Variants in GABRB3 observed in about 807,000 individuals in gnomAD.
The protein encoded by GABRB3 is gamma-aminobutyric acid type A receptor subunit beta3, also known as gamma-aminobutyric acid receptor subunit beta-3.
In GABRB3, 14 loss-of-function variants were observed where a neutral mutation model predicts 52.1. The observed-to-expected ratio is 0.27, with a 90% CI of 0.18 to 0.42. The LOEUF is 0.42. Among genes scored for constraint, GABRB3 ranks in the 10% least tolerant of loss-of-function variants. The pLI, the probability that GABRB3 is intolerant of heterozygous loss-of-function variation, is 1.00. For synonymous variants in GABRB3, 260 were observed against 232.3 expected (o/e 1.12, Z -1.08); for missense variants, 307 against 609.1 (o/e 0.50, Z 5.22).
intron 4 of GABRB3, among the ~76,000 whole-genome samples, chr15:26,588,891 T>C (rs920297412): frequency 6.6e-6 from 1 of 152,208 alleles, no homozygotes; most frequent in Non-Finnish European, 1.5e-5. Flanking sequence ...AAATAATACA[T>C]GTCTAAAGAT....
chr15:26,580,533 A>C, intron 5 of GABRB3, 77 bp from the exon 6 acceptor site: 1 of 1,582,372 alleles, frequency 6.3e-7, no homozygotes, highest in African/African-American at 1.3e-5. Context: ...TATCATTAAC[A>C]TGGAGGTTGC....
intron 3 of GABRB3, among the ~76,000 whole-genome samples, chr15:26,650,511 A>G (rs1437105116): frequency 6.6e-6 from 1 of 152,112 alleles, no homozygotes; most frequent in East Asian, 1.9e-4. Context: ...TGATAGCAAC[A>G]GGAGGCAGCC....
intron 3 of GABRB3, among the ~76,000 whole-genome samples, chr15:26,746,180 T>C (rs1890333624): frequency 7.0e-6 from 1 of 142,620 alleles, no homozygotes; most frequent in African/African-American, 2.5e-5. Flanking sequence ...AATATCTCAC[T>C]GTGGCTTTTT....
Position 26,772,554 on chromosome 15 carries a change from G to C in GABRB3, c.173-85C>G. On this transcript the variant is annotated intron_variant, in intron 2 of 8. Transcript: ENST00000311550. ...TGAGGACTGGGGGCTATCCCAGGAG[G>C]GGCGCGGGCGAAGGGCCCCCACTCC... 9 of 1,482,632 alleles carry C rather than the reference G, an allele frequency of 6.1e-6. No individual in the cohort carries two copies. In the South Asian group the frequency reaches 9.8e-5, roughly 16 times the overall value. The allele number at this position is 1,482,632 out of a possible 1,614,324, so 91.8% of individuals were successfully genotyped here.
chr15:26,545,877 T>A lies in GABRB3; in HGVS notation c.*1916A>T, dbSNP rs1358485807. On this transcript the variant is annotated 3_prime_UTR_variant, in exon 9 of 9. Coordinates refer to ENST00000311550, the MANE Select transcript of GABRB3 (RefSeq NM_000814.6). ...TGAAAGAGGGAAAAGGGTCTAAAAGTAGGTAATTGCCTCTAGCGTGAGATT... is the reference window on the plus strand; with the variant it reads ...TGAAAGAGGGAAAAGGGTCTAAAAGAAGGTAATTGCCTCTAGCGTGAGATT... 1 of 152,604 alleles carries A rather than the reference T, an allele frequency of 6.6e-6. No homozygotes were observed. Among genetic ancestry groups the A allele is most frequent in the African/African-American group, 2.4e-5 (1 of 41,442 alleles). The allele number at this position is 152,604 out of a possible 1,614,324, so 9.5% of individuals were successfully genotyped here. A position where few individuals can be genotyped will look rare whatever the true frequency, so the allele number is the denominator to read the frequency against.
intron 3 of GABRB3, among the ~76,000 whole-genome samples, chr15:26,635,013 ATATATATATT>A (rs1893017353): frequency 1.6e-5 from 2 of 125,810 alleles, no homozygotes; most frequent in African/African-American, 5.8e-5. Flanking sequence ...TATATATAAT[ATATATATATT>A]TAGAGAGGAA....
At chr15:26,653,832 G>C (rs991907939) in intron 3 of GABRB3, among the ~76,000 whole-genome samples, 2 of 152,150 alleles carry the variant, frequency 1.3e-5, no homozygotes, top group Non-Finnish European at 2.9e-5. Context: ...TTTTTAAACA[G>C]GAAGCATGTA....
chr15:26,732,820 C>T (rs1281437242), intron 3 of GABRB3, among the ~76,000 whole-genome samples: 1 of 152,124 alleles, frequency 6.6e-6, no homozygotes, highest in East Asian at 1.9e-4. Context: ...GAAACCCCAT[C>T]TCTACTAAAA....
chr15:26,601,029 T>C (rs1028543890), intron 4 of GABRB3, among the ~76,000 whole-genome samples: 1 of 152,166 alleles, frequency 6.6e-6, no homozygotes, highest in African/African-American at 2.4e-5. Flanking sequence ...CAAAATTGGC[T>C]GTTATCAGCT....
upstream of GABRB3, among the ~76,000 whole-genome samples, chr15:26,773,464 G>C (rs973733092): frequency 7.9e-5 from 12 of 151,568 alleles, no homozygotes; most frequent in Admixed American, 2.6e-4. Context: ...CCTCGGCGCC[G>C]GCATAAGCGG....
At chr15:26,701,932 T>C (rs1301397309) in intron 3 of GABRB3, among the ~76,000 whole-genome samples, 5 of 152,180 alleles carry the variant, frequency 3.3e-5, no homozygotes, top group Non-Finnish European at 1.5e-5. Flanking sequence ...GACTGAAACA[T>C]ACCTGAACAA....
chr15:26,742,805 A>C (rs967915172), intron 3 of GABRB3, among the ~76,000 whole-genome samples: 4 of 152,078 alleles, frequency 2.6e-5, no homozygotes, highest in Middle Eastern at 3.2e-3. Context: ...GAACTTTATC[A>C]ATTTATCAAG....
At chr15:26,712,183 T>C (rs965411616) in intron 3 of GABRB3, among the ~76,000 whole-genome samples, 10 of 150,448 alleles carry the variant, frequency 6.6e-5, no homozygotes, top group African/African-American at 2.5e-4. Flanking sequence ...TCTTTCTTTT[T>C]TTTTTTTTGT....
At chr15:26,628,728 C>A (rs1212107431) in intron 3 of GABRB3, among the ~76,000 whole-genome samples, 1 of 152,226 alleles carries the variant, frequency 6.6e-6, no homozygotes, top group East Asian at 1.9e-4. Context: ...AACCAACCAG[C>A]GCCACAGGGC....
intron 3 of GABRB3, among the ~76,000 whole-genome samples, chr15:26,673,737 G>A (rs1887970855): frequency 6.6e-6 from 1 of 152,150 alleles, no homozygotes; most frequent in South Asian, 2.1e-4. Flanking sequence ...CACTCTTCAC[G>A]GCAGATGCCC....
intron 4 of GABRB3, among the ~76,000 whole-genome samples, chr15:26,617,053 G>C (rs1246336316): frequency 3.9e-5 from 6 of 152,164 alleles, no homozygotes; most frequent in South Asian, 4.2e-4. Context: ...TCTCTGAATA[G>C]ACCAATAACA....
chr15:26,615,469 G>A (rs1303768121), intron 4 of GABRB3: 1 of 986,550 alleles, frequency 1.0e-6, no homozygotes, highest in African/African-American at 1.7e-5. Context: ...AAGCTCAAGG[G>A]GCTACAAGAG....
intron 3 of GABRB3, among the ~76,000 whole-genome samples, chr15:26,646,972 T>A (rs1038625457): frequency 6.6e-6 from 1 of 152,086 alleles, no homozygotes; most frequent in African/African-American, 2.4e-5. Flanking sequence ...GCCTCCCGAG[T>A]AGCTGGGACT....
intron 3 of GABRB3, chr15:26,642,401 A>T: frequency 9.4e-7 from 1 of 1,068,808 alleles, no homozygotes; most frequent in Non-Finnish European, 1.3e-6. Context: ...GAATATACTG[A>T]GGGGCAACTG....
Sources: gnomAD v4.1 joint callset for allele counts (sites outside exome capture counted in the v4.1 genomes callset) on GRCh38, gnomAD v4.1.1 for gene constraint, MANE v1.5 for transcripts, NCBI Gene and HGNC (gene_info 2026-07-23, HGNC 2026-07-21) for gene names.